DEUP1: variants seen among roughly 807,000 people sequenced by gnomAD.
The protein encoded by DEUP1 is deuterosome assembly protein 1.
DEUP1 carries 82 observed loss-of-function variants against 87.4 expected under a neutral mutation model. That is an observed-to-expected ratio of 0.94 (90% CI 0.78 to 1.13). The LOEUF is 1.13. Ranked by LOEUF, DEUP1 falls within the 50% of genes most tolerant of loss-of-function variation. The pLI is 0.00. For missense variants in DEUP1, 663 were observed against 681.5 expected (o/e 0.97, Z 0.30); for synonymous variants, 214 against 222.7 (o/e 0.96, Z 0.35).
intron 2 of DEUP1, among the ~76,000 whole-genome samples, chr11:93,350,849 G>T (rs941590347): frequency 6.6e-6 from 1 of 151,728 alleles, no homozygotes; most frequent in South Asian, 2.1e-4. Context: ...CCAGCTACTC[G>T]GGAGGCTGAG....
chr11:93,411,889 A>G (rs994798811), intron 12 of DEUP1, among the ~76,000 whole-genome samples: 2 of 152,248 alleles, frequency 1.3e-5, no homozygotes, highest in African/African-American at 4.8e-5. Context: ...CTAAAAAACC[A>G]CAGTCAGCAG....
At chr11:93,433,165 AAACT>A (rs930241966) in intron 13 of DEUP1, among the ~76,000 whole-genome samples, 38 of 152,192 alleles carry the variant, frequency 2.5e-4, no homozygotes, top group Admixed American at 7.2e-4. Flanking sequence ...CTTCATTCAT[AAACT>A]AACTAAAAAA....
intron 5 of DEUP1, among the ~76,000 whole-genome samples, chr11:93,368,461 G>T (rs960846148): frequency 3.9e-5 from 6 of 152,222 alleles, no homozygotes; most frequent in Non-Finnish European, 7.3e-5. Flanking sequence ...AGGAGGCATG[G>T]TTGGGGAGGC....
intron 7 of DEUP1, among the ~76,000 whole-genome samples, chr11:93,381,604 T>G: frequency 6.6e-6 from 1 of 152,180 alleles, no homozygotes; most frequent in East Asian, 1.9e-4. Context: ...ATGTGCAATA[T>G]TTTTCCTGGG....
At chr11:93,428,099 A>AT (rs1947987003) in intron 13 of DEUP1, among the ~76,000 whole-genome samples, 1 of 152,202 alleles carries the variant, frequency 6.6e-6, no homozygotes, top group African/African-American at 2.4e-5. Context: ...AGATCCCTAT[A>AT]TACCCAAAGG....
chr11:93,362,297 A>G (rs924005913), intron 4 of DEUP1, among the ~76,000 whole-genome samples: 19 of 152,036 alleles, frequency 1.2e-4, no homozygotes, highest in African/African-American at 4.6e-4. Context: ...GGGAGAAAAT[A>G]TTTGTAAACC....
At chr11:93,356,821 C>A (rs1216038154) in intron 3 of DEUP1, 127 bp from the exon 4 acceptor site, 1 of 669,132 alleles carries the variant, frequency 1.5e-6, no homozygotes, top group East Asian at 2.8e-5. Context: ...TTAAGAAGTG[C>A]AGTACAAATA....
rs1947569170 is a variant in DEUP1 at position 93,415,125 on chromosome 11, G to C, written c.1638+11G>C. On this transcript the variant is annotated intron_variant, in intron 13 of 13. Transcript: ENST00000298050. The stretch of plus-strand genomic sequence containing the variant: ...GATGTATTCCCACTGGTGAGTTGCT[G>C]GTTGTGGGCTTTTTTTTTCTTTAAT... 1 of 1,552,616 alleles carries C rather than the reference G, an allele frequency of 6.4e-7. No individual in the cohort carries two copies. Among genetic ancestry groups the C allele is most frequent in the Non-Finnish European group, 8.9e-7 (1 of 1,127,792 alleles).
At position 93,332,297 on chromosome 11, in the gene DEUP1, T is replaced by C. The variant is rs751053345; in HGVS notation, c.29+9T>C. The C allele has an allele frequency of 6.2e-7, 1 of 1,604,296 alleles. No individual in the cohort carries two copies. The highest frequency in any genetic ancestry group is 1.7e-5 in the Admixed American group (1 of 59,342). On this transcript the variant is annotated intron_variant, in intron 2 of 13. Transcript: ENST00000298050. The stretch of plus-strand genomic sequence containing the variant: ...GCCCATAATACGATGGGGTAAGTGC[T>C]GAGAAATTTCTGTTTAATAAGTATG...
Position 93,348,788 on chromosome 11 carries a change from T to C in DEUP1, c.30-6583T>C, listed in dbSNP as rs897848140. On this transcript the variant is annotated intron_variant, in intron 2 of 13. Coordinates refer to ENST00000298050, the MANE Select transcript of DEUP1 (RefSeq NM_181645.4). Reference sequence around the variant, plus strand: ...CAGTAACTGTTTATACCTAGTGTGCTGGCATAATTATTATTAGTGCTCCTT... The same window carrying C: ...CAGTAACTGTTTATACCTAGTGTGCCGGCATAATTATTATTAGTGCTCCTT... Among the ~76,000 whole-genome samples the C allele has an allele frequency of 8.5e-5, 13 of 152,228 alleles. No homozygotes were observed. The East Asian group carries it at 2.5e-3, about 29-fold the overall frequency.
At chr11:93,399,193 C>A (rs925081265) in intron 11 of DEUP1, among the ~76,000 whole-genome samples, 1 of 151,154 alleles carries the variant, frequency 6.6e-6, no homozygotes, top group Non-Finnish European at 1.5e-5. Flanking sequence ...ATATATATTT[C>A]TTCTAAATAT....
chr11:93,342,267 A>T (rs1457815783), intron 2 of DEUP1, among the ~76,000 whole-genome samples: 1 of 152,168 alleles, frequency 6.6e-6, no homozygotes, highest in Non-Finnish European at 1.5e-5. Flanking sequence ...CTGACGGGGA[A>T]GCTCTGGAAC....
chr11:93,416,027 G>A (rs1003111575), intron 13 of DEUP1, among the ~76,000 whole-genome samples: 4 of 152,142 alleles, frequency 2.6e-5, no homozygotes, highest in South Asian at 2.1e-4. Flanking sequence ...ATGGAATACC[G>A]AGGTCATAGG....
At chr11:93,402,782 T>C (rs1425783722) in intron 11 of DEUP1, among the ~76,000 whole-genome samples, 3 of 151,932 alleles carry the variant, frequency 2.0e-5, no homozygotes, top group Non-Finnish European at 1.5e-5. Context: ...AAGACAAATA[T>C]TGCATGTTCT....
chr11:93,394,678 C>A, intron 10 of DEUP1, 22 bp downstream of exon 10: 1 of 1,561,750 alleles, frequency 6.4e-7, no homozygotes. Flanking sequence ...GGCAGAATAG[C>A]ACTTGTCTAG....
intron 7 of DEUP1, among the ~76,000 whole-genome samples, chr11:93,378,194 A>C (rs1186441880): frequency 3.9e-5 from 6 of 152,194 alleles, no homozygotes; most frequent in Non-Finnish European, 8.8e-5. Context: ...ATTCCCTCAA[A>C]TATGTTTTCC....
intron 13 of DEUP1, among the ~76,000 whole-genome samples, chr11:93,428,163 C>G (rs993059392): frequency 6.6e-6 from 1 of 152,028 alleles, no homozygotes; most frequent in African/African-American, 2.4e-5. Context: ...TATTGCGGCA[C>G]TATTCACAAT....
intron 7 of DEUP1, among the ~76,000 whole-genome samples, chr11:93,376,379 CT>C (rs890790309): frequency 1.7e-4 from 26 of 152,130 alleles, no homozygotes; most frequent in African/African-American, 6.3e-4. Context: ...AATTTGTCAT[CT>C]TTTCTAAGTT....
rs1945618107 is a variant in DEUP1, at chr11:93,369,765, A to G, written c.433-308A>G. On this transcript the variant is annotated intron_variant, in intron 5 of 13. Coordinates refer to ENST00000298050, the MANE Select transcript of DEUP1 (RefSeq NM_181645.4). Reference sequence around the variant, plus strand: ...GCTAACACGGTGAAACCCCGTCTCTACTAAAAATACAAAAAATTAGCCGGG... The same window carrying G: ...GCTAACACGGTGAAACCCCGTCTCTGCTAAAAATACAAAAAATTAGCCGGG... Among the ~76,000 whole-genome samples, 2 of 34,326 alleles carry G rather than the reference A, an allele frequency of 5.8e-5. 1 individual carries two copies. Among genetic ancestry groups the G allele is most frequent in the African/African-American group, 2.4e-4 (2 of 8,488 alleles). 22.5% of individuals were successfully genotyped at this position (34,326 alleles called of 152,430 possible).
Sources: allele counts gnomAD v4.1 joint callset (sites outside exome capture counted in the v4.1 genomes callset), GRCh38; gene constraint gnomAD v4.1.1; transcripts MANE v1.5; gene names NCBI Gene and HGNC (gene_info 2026-07-23, HGNC 2026-07-21).